CSMD1: variants seen among roughly 807,000 people sequenced by gnomAD.
The protein encoded by CSMD1 is CUB and sushi domain-containing protein 1.
CSMD1 carries 213 observed loss-of-function variants against 417.5 expected under a neutral mutation model. The ratio of observed to expected loss-of-function variants is 0.51; its 90% CI spans 0.46 to 0.57. The LOEUF (loss-of-function observed/expected upper bound fraction) is 0.57, where lower values mean the gene tolerates loss of function less well. Ranked by LOEUF, CSMD1 falls within the 20% of genes least tolerant of loss-of-function variation. CSMD1 has a pLI of 0.00. For synonymous variants in CSMD1, 2,862 were observed against 1,736.8 expected (o/e 1.65, Z -16.11); for missense variants, 6,923 against 4,529.7 (o/e 1.53, Z -15.17).
chr8:3,144,580 T>A (rs1818720057), intron 40 of CSMD1, among the ~76,000 whole-genome samples: 1 of 152,088 alleles, frequency 6.6e-6, no homozygotes, highest in South Asian at 2.1e-4. Context: ...GTGATGGTCT[T>A]GGCCATTCTA....
In CSMD1 at chr8:4,254,264, G is replaced by A. The variant is rs148616653; in HGVS notation, c.415+165689C>T. 1.2e-3 allele frequency among the ~76,000 whole-genome samples: 187 copies of A among 151,994 alleles called. 2 individuals carry two copies. The highest frequency in any genetic ancestry group is 6.0e-3 in the South Asian group (29 of 4,816). ...CCTCTCTTCACCAAATAAAATCAGC[G>A]AACACCTGTGCCAGTTACTTCCCTA... On this transcript the variant is annotated intron_variant, in intron 3 of 69. Coordinates refer to ENST00000635120, the MANE Select transcript of CSMD1 (RefSeq NM_033225.6).
Position 4,568,431 on chromosome 8 carries a change from C to T in CSMD1, c.302+68911G>A, listed in dbSNP as rs545312428. 3.9e-5 allele frequency among the ~76,000 whole-genome samples: 6 copies of T among 152,230 alleles called. No individual in the cohort carries two copies. The East Asian group carries it at 1.2e-3, about 29-fold the overall frequency. ...AATGGTTTCCAGCTTCACCCATGTC[C>T]TTGCAAATGACATGAACTCATTCTT... On this transcript the variant is annotated intron_variant, in intron 2 of 69. Transcript: ENST00000635120.
chr8:4,522,309 A>G (rs1455223242), intron 2 of CSMD1, among the ~76,000 whole-genome samples: 1 of 152,178 alleles, frequency 6.6e-6, no homozygotes, highest in Non-Finnish European at 1.5e-5. Context: ...AGGCCTCCCC[A>G]GCCATGTGGA....
At chr8:3,452,872 G>C (rs561703591) in intron 12 of CSMD1, among the ~76,000 whole-genome samples, 2 of 152,286 alleles carry the variant, frequency 1.3e-5, no homozygotes, top group Non-Finnish European at 2.9e-5. Flanking sequence ...CTATTGATTG[G>C]AATAGTTTCA....
In CSMD1 at chr8:4,162,554, C is replaced by G. The variant is rs181100286; in HGVS notation, c.416-130455G>C. Among the ~76,000 whole-genome samples, 1,298 of 152,086 alleles carry G rather than the reference C, an allele frequency of 8.5e-3. 23 individuals are homozygous for G. The highest frequency in any genetic ancestry group is 0.03 in the African/African-American group (1,238 of 41,480). ...TTTTGATATTTTTAATTTATTTTACCTAAGTTACTTTGATTTTTTAAATAT... is the reference window on the plus strand; with the variant it reads ...TTTTGATATTTTTAATTTATTTTACGTAAGTTACTTTGATTTTTTAAATAT... On this transcript the variant is annotated intron_variant, in intron 3 of 69. Transcript: ENST00000635120.
chr8:4,835,469 G>T (rs1199380055), intron 1 of CSMD1, among the ~76,000 whole-genome samples: 1 of 152,130 alleles, frequency 6.6e-6, no homozygotes, highest in Non-Finnish European at 1.5e-5. Flanking sequence ...GAGAGACAGT[G>T]GATTCTTATG....
At chr8:3,482,326 A>C (rs1289845183) in intron 11 of CSMD1, among the ~76,000 whole-genome samples, 3 of 152,206 alleles carry the variant, frequency 2.0e-5, no homozygotes, top group African/African-American at 7.2e-5. Context: ...TAAAAGAAAC[A>C]AAAGACATAC....
intron 51 of CSMD1, among the ~76,000 whole-genome samples, chr8:3,028,585 G>C (rs1401644937): frequency 3.3e-5 from 5 of 151,976 alleles, no homozygotes; most frequent in South Asian, 4.1e-4. Flanking sequence ...AAGAGCTTGT[G>C]GTACGTGTTT....
intron 1 of CSMD1, among the ~76,000 whole-genome samples, chr8:4,921,702 G>A (rs780911371): frequency 6.6e-6 from 1 of 152,132 alleles, no homozygotes; most frequent in African/African-American, 2.4e-5. Flanking sequence ...ACAGGAATGT[G>A]TATGCAATGT....
At chr8:4,291,126 G>T (rs540355646) in intron 3 of CSMD1, among the ~76,000 whole-genome samples, 1 of 152,124 alleles carries the variant, frequency 6.6e-6, no homozygotes, top group Admixed American at 6.5e-5. Flanking sequence ...TCTATGACAG[G>T]AATCTGAGTC....
chr8:3,346,525 A>G (rs1808009034), intron 22 of CSMD1, among the ~76,000 whole-genome samples: 1 of 152,224 alleles, frequency 6.6e-6, no homozygotes, highest in African/African-American at 2.4e-5. Flanking sequence ...TGAGATTTCA[A>G]AAGACTATTA....
At chr8:4,040,453 T>C (rs1051162137) in intron 3 of CSMD1, among the ~76,000 whole-genome samples, 5 of 152,184 alleles carry the variant, frequency 3.3e-5, no homozygotes, top group African/African-American at 4.8e-5. Flanking sequence ...AGAGCTTGCA[T>C]ATGATGATGG....
chr8:3,013,771 A>G (rs1808604133), intron 52 of CSMD1, among the ~76,000 whole-genome samples: 2 of 151,820 alleles, frequency 1.3e-5, no homozygotes, highest in African/African-American at 4.8e-5. Context: ...AAAATTCCAA[A>G]CAGTCCTCAA....
intron 33 of CSMD1, among the ~76,000 whole-genome samples, chr8:3,197,703 A>G (rs1796780617): frequency 6.6e-6 from 1 of 152,008 alleles, no homozygotes; most frequent in African/African-American, 2.4e-5. Context: ...TGACCTCGTG[A>G]TCCGCCCGCC....
chr8:3,901,904 T>G (rs937585912), intron 5 of CSMD1, among the ~76,000 whole-genome samples: 1 of 152,220 alleles, frequency 6.6e-6, no homozygotes, highest in African/African-American at 2.4e-5. Flanking sequence ...ATTTTAGATC[T>G]CATGCCATGA....
chr8:4,066,386 G>A (rs541693944), intron 3 of CSMD1, among the ~76,000 whole-genome samples: 1 of 152,248 alleles, frequency 6.6e-6, no homozygotes, highest in South Asian at 2.1e-4. Flanking sequence ...GCGCAGGGAT[G>A]TTTGGCATGT....
intron 10 of CSMD1, among the ~76,000 whole-genome samples, chr8:3,552,929 A>G (rs188294779): frequency 2.6e-5 from 4 of 152,298 alleles, no homozygotes; most frequent in Admixed American, 2.0e-4. Flanking sequence ...GAAATCTGTT[A>G]TAATTTTTGA....
chr8:4,062,560 A>T lies in CSMD1; in HGVS notation c.416-30461T>A, dbSNP rs547093386. On this transcript the variant is annotated intron_variant, in intron 3 of 69. Coordinates refer to ENST00000635120, the MANE Select transcript of CSMD1 (RefSeq NM_033225.6). The stretch of plus-strand genomic sequence containing the variant: ...GCATTGACATGAACAACATTTCGTG[A>T]AACATATCCTATAAAAGTTTTCAGT... 2.6e-5 allele frequency among the ~76,000 whole-genome samples: 4 copies of T among 152,268 alleles called. No individual in the cohort carries two copies. The East Asian group carries it at 7.7e-4, about 29-fold the overall frequency.
chr8:4,228,822 T>A (rs1238300987), intron 3 of CSMD1, among the ~76,000 whole-genome samples: 1 of 152,040 alleles, frequency 6.6e-6, no homozygotes, highest in South Asian at 2.1e-4. Context: ...TAGCTGGGAC[T>A]TCATGTGCAC....
Sources: gnomAD v4.1 joint callset for allele counts (sites outside exome capture counted in the v4.1 genomes callset) on GRCh38, gnomAD v4.1.1 for gene constraint, MANE v1.5 for transcripts, NCBI Gene and HGNC (gene_info 2026-07-23, HGNC 2026-07-21) for gene names.